PNPLA3: variants seen among roughly 807,000 people sequenced by gnomAD.
PNPLA3 encodes the protein 1-acylglycerol-3-phosphate O-acyltransferase PNPLA3.
In PNPLA3, 42 loss-of-function variants were observed where a neutral mutation model predicts 43.1. The ratio of observed to expected loss-of-function variants is 0.97; its 90% confidence interval spans 0.76 to 1.26. The LOEUF is 1.26. PNPLA3 is among the 50% of genes most tolerant of loss of function. PNPLA3 has a pLI of 0.00. For synonymous variants in PNPLA3, 272 were observed against 253.6 expected (o/e 1.07, Z -0.69); for missense variants, 647 against 621.4 (o/e 1.04, Z -0.44).
chr22:43,935,382 C>T (rs1276871074), intron 5 of PNPLA3, among the ~76,000 whole-genome samples: 1 of 152,120 alleles, frequency 6.6e-6, no homozygotes, highest in African/African-American at 2.4e-5. Flanking sequence ...CCTTGCCAGC[C>T]TTGTGAGAGA....
chr22:43,937,194 C>T lies in PNPLA3; in HGVS notation c.901C>T (p.Leu301=). The T allele has an allele frequency of 6.2e-7, 1 of 1,614,190 alleles. No individual in the cohort carries two copies. Among genetic ancestry groups the T allele is most frequent in the Non-Finnish European group, 8.5e-7 (1 of 1,180,046 alleles). The change falls in exon 6 of 9, where the codon CTG becomes TTG. Residue 301 remains leucine, a synonymous_variant. Transcript: ENST00000216180. The part of the protein sequence containing the change: ...ALAVRLEGDE[L]LDHLRLSILP... ...GGCTGTGAGGCTGGAGGGAGATGAG[C>T]TGCTAGACCACCTGCGTCTCAGCAT...
At chr22:43,934,152 A>G (rs1454584422) in intron 4 of PNPLA3, among the ~76,000 whole-genome samples, 3 of 151,906 alleles carry the variant, frequency 2.0e-5, no homozygotes, top group African/African-American at 7.3e-5. Flanking sequence ...CCCCGTCTCC[A>G]TGAAAAATAC....
chr22:43,934,757 C>A, intron 5 of PNPLA3, 91 bp downstream of exon 5: 2 of 1,219,774 alleles, frequency 1.6e-6, no homozygotes, highest in Admixed American at 1.7e-5. Flanking sequence ...TTAGTTCTAA[C>A]ACTTAGTGCC....
chr22:43,924,801 C>G (rs1219523453), intron 1 of PNPLA3, among the ~76,000 whole-genome samples: 2 of 152,128 alleles, frequency 1.3e-5, no homozygotes, highest in Non-Finnish European at 2.9e-5. Flanking sequence ...GCGCCAGCCA[C>G]CAAGCCCGGC....
intron 5 of PNPLA3, among the ~76,000 whole-genome samples, chr22:43,935,438 A>G (rs1249143569): frequency 6.6e-6 from 1 of 152,122 alleles, no homozygotes; most frequent in Non-Finnish European, 1.5e-5. Flanking sequence ...GTCGATGGGA[A>G]AGTACAGGTG....
chr22:43,938,762 G>A (rs761296194), intron 6 of PNPLA3, among the ~76,000 whole-genome samples: 1 of 152,162 alleles, frequency 6.6e-6, no homozygotes, highest in Non-Finnish European at 1.5e-5. Context: ...TACGATTTGA[G>A]GCATCACGAG....
chr22:43,946,034 C>G, intron 8 of PNPLA3, 120 bp from the exon 9 acceptor site: 1 of 891,218 alleles, frequency 1.1e-6, no homozygotes, highest in Non-Finnish European at 1.8e-6. Flanking sequence ...CTGGCTGTGA[C>G]GGCACCCTAG....
intron 3 of PNPLA3, 142 bp from the exon 4 acceptor site, chr22:43,932,736 G>A: frequency 1.4e-6 from 1 of 716,610 alleles, no homozygotes; most frequent in South Asian, 1.8e-5. Flanking sequence ...TCGCAGGAGT[G>A]ATTCCAAAGC....
chr22:43,929,636 G>A (rs12485100), intron 3 of PNPLA3, among the ~76,000 whole-genome samples: 16 of 136,416 alleles, frequency 1.2e-4, no homozygotes, highest in African/African-American at 4.2e-4. Context: ...TGGCTCTGTC[G>A]CCCAGGCTGG....
At chr22:43,927,596 C>T (rs2146775001) in intron 2 of PNPLA3, among the ~76,000 whole-genome samples, 1 of 144,342 alleles carries the variant, frequency 6.9e-6, no homozygotes, top group African/African-American at 2.6e-5. Context: ...GTGATTTGGT[C>T]CATGTTTGTA....
chr22:43,934,809 G>T, intron 5 of PNPLA3, 143 bp downstream of exon 5: 1 of 776,064 alleles, frequency 1.3e-6, no homozygotes, highest in Non-Finnish European at 2.2e-6. Context: ...ATGAGCCCAG[G>T]AGATAGGAAA....
At position 43,940,066 on chromosome 22, in the gene PNPLA3, G is replaced by A; in HGVS notation, c.1053G>A (p.Met351Ile). 3 of 1,614,130 alleles carry A rather than the reference G, an allele frequency of 1.9e-6. No individual in the cohort carries two copies. In the African/African-American group the frequency reaches 4.0e-5, roughly 22 times the overall value. Residue 351 changes from methionine to isoleucine, a missense_variant, in exon 7 of 9, where the codon ATG (methionine) becomes ATA (isoleucine). Coordinates refer to ENST00000216180, the MANE Select transcript of PNPLA3 (RefSeq NM_025225.3). The stretch of plus-strand genomic sequence containing the variant: ...GCAACTTGCTACCCATTAGGATAAT[G>A]TCTTATGTAATGCTGCCCTGTACCC... ...KICNLLPIRI[M>I]SYVMLPCTLP...
Position 43,946,339 on chromosome 22 carries a change from G to T in PNPLA3, c.1403G>T (p.Gly468Val). The T allele has an allele frequency of 6.2e-7, 1 of 1,614,136 alleles. No homozygotes were observed. Among genetic ancestry groups the T allele is most frequent in the Non-Finnish European group, 8.5e-7 (1 of 1,180,022 alleles). ...AATAAAGTACCTGCTGGTGCTGAGG[G>T]GCTCTCCACCTTTCCCAGTTTTTCA... ...LGNKVPAGAE[G>V]LSTFPSFSLE... is the part of the protein sequence containing the mutation. Residue 468 changes from glycine to valine, a missense_variant, in exon 9 of 9, where the codon GGG becomes GTG. By Grantham distance (109) the Gly-to-Val change is moderately radical (BLOSUM62 -3). Transcript: ENST00000216180.
At chr22:43,927,233 T>G in intron 2 of PNPLA3, 66 bp downstream of exon 2, 1 of 1,438,884 alleles carries the variant, frequency 6.9e-7, no homozygotes, top group Non-Finnish European at 9.7e-7. Context: ...GTGTGGTGGC[T>G]CATGCCTGTC....
chr22:43,944,192 C>T (rs551363835), intron 7 of PNPLA3, among the ~76,000 whole-genome samples: 2 of 152,308 alleles, frequency 1.3e-5, no homozygotes, highest in East Asian at 3.9e-4. Flanking sequence ...TCCTCCTCCC[C>T]ACCCCACCAC....
chr22:43,941,148 C>CAAAAAAAAAAAAA (rs577344067), intron 7 of PNPLA3, among the ~76,000 whole-genome samples: 1 of 79,912 alleles, frequency 1.3e-5, no homozygotes. Flanking sequence ...AACTCCGACT[C>CAAAAAAAAAAAAA]AAAAAAAAAA....
At chr22:43,924,555 G>A (rs1414661199) in intron 1 of PNPLA3, among the ~76,000 whole-genome samples, 1 of 152,216 alleles carries the variant, frequency 6.6e-6, no homozygotes, top group Non-Finnish European at 1.5e-5. Flanking sequence ...GCCGGACAAA[G>A]AGTGGGGCTT....
rs767505716 is a variant in PNPLA3, at chr22:43,934,590, C to G, written c.697-16C>G. 2 of 1,611,144 alleles carry G rather than the reference C, an allele frequency of 1.2e-6. No individual in the cohort carries two copies. Among genetic ancestry groups the G allele is most frequent in the East Asian group, 4.5e-5 (2 of 44,840 alleles). ...GTGTCTCCCTGCTGTAGTCCCCTTGCTTGCTTTGCTCACAGGTGCTGGGAG... is the reference window on the plus strand; with the variant it reads ...GTGTCTCCCTGCTGTAGTCCCCTTGGTTGCTTTGCTCACAGGTGCTGGGAG... On this transcript the variant is annotated splice_polypyrimidine_tract_variant and intron_variant, in intron 4 of 8. Coordinates refer to ENST00000216180, the MANE Select transcript of PNPLA3 (RefSeq NM_025225.3).
chr22:43,926,867 T>C, intron 1 of PNPLA3, 68 bp from the exon 2 acceptor site: 2 of 1,382,802 alleles, frequency 1.4e-6, no homozygotes, highest in Non-Finnish European at 2.0e-6. Context: ...GTCTGGTTTC[T>C]GGCCTTGCCA....
Sources: allele counts gnomAD v4.1 joint callset (sites outside exome capture counted in the v4.1 genomes callset), GRCh38; gene constraint gnomAD v4.1.1; transcripts MANE v1.5; gene names NCBI Gene and HGNC (gene_info 2026-07-23, HGNC 2026-07-21).